MRC2: variants seen among roughly 807,000 people sequenced by gnomAD.
MRC2 encodes the protein mannose receptor C-type 2.
In MRC2, 84 loss-of-function variants were observed where a neutral mutation model predicts 206.2. The observed-to-expected ratio is 0.41, with a 90% CI of 0.34 to 0.49. MRC2 has a LOEUF of 0.49. Ranked by LOEUF, MRC2 falls within the 20% of genes least tolerant of loss-of-function variation. MRC2 has a pLI of 0.31. For synonymous variants in MRC2, 798 were observed against 800.0 expected (o/e 1.00, Z 0.04); for missense variants, 1,676 against 2,001.5 (o/e 0.84, Z 3.10).
intron 1 of MRC2, among the ~76,000 whole-genome samples, chr17:62,637,433 G>A (rs2088337314): frequency 6.6e-6 from 1 of 152,058 alleles, no homozygotes; most frequent in Non-Finnish European, 1.5e-5. Context: ...CAGCTCGGGA[G>A]GCTGAGGCAG....
At chr17:62,641,801 G>GA (rs1424578539) in intron 1 of MRC2, among the ~76,000 whole-genome samples, 2 of 152,008 alleles carry the variant, frequency 1.3e-5, no homozygotes, top group Non-Finnish European at 2.9e-5. Flanking sequence ...CAAACCACTG[G>GA]AAAAACTGAA....
At chr17:62,682,834 G>A (rs1296583446) in intron 20 of MRC2, among the ~76,000 whole-genome samples, 2 of 151,930 alleles carry the variant, frequency 1.3e-5, no homozygotes, top group African/African-American at 4.8e-5. Flanking sequence ...TAGAGATGGG[G>A]TTTCACCATG....
chr17:62,655,745 GAAAAGAAA>G (rs2088612001), intron 1 of MRC2, among the ~76,000 whole-genome samples: 1 of 146,526 alleles, frequency 6.8e-6, no homozygotes, highest in Admixed American at 6.8e-5. Context: ...AAAAGAAAAA[GAAAAGAAA>G]AAAAGAAAGA....
intron 1 of MRC2, among the ~76,000 whole-genome samples, chr17:62,651,862 G>A (rs34546907): frequency 0.043 from 6,547 of 152,304 alleles, 128 homozygotes; most frequent in Middle Eastern, 0.11. Flanking sequence ...GTGAGCCACC[G>A]CGCCCTGCCT....
intron 1 of MRC2, among the ~76,000 whole-genome samples, chr17:62,663,294 A>C (rs2088703530): frequency 7.0e-6 from 1 of 143,858 alleles, no homozygotes. Flanking sequence ...CCTCCTTCCT[A>C]CCCTCCCTTG....
chr17:62,627,920 G>C lies in MRC2; in HGVS notation c.118G>C (p.Glu40Gln). The C allele has an allele frequency of 1.4e-6, 2 of 1,441,688 alleles. No homozygotes were observed. Among genetic ancestry groups the C allele is most frequent in the Non-Finnish European group, 9.0e-7 (1 of 1,106,076 alleles). 89.3% of individuals were successfully genotyped at this position (1,441,688 alleles called of 1,614,324 possible). Reference protein sequence around the residue: ...PGAPGDAALPEPNVFLIFSHG... With the variant: ...PGAPGDAALPQPNVFLIFSHG... ...CGCCCCTGGGGACGCCGCCCTCCCG[G>C]GTAAGGCGCTGCCAACTTGGCCAAC... The change falls in exon 1 of 30, where the codon GAA (glutamate) becomes CAA (glutamine). Residue 40 changes from glutamate to glutamine, a missense_variant and splice_region_variant. Transcript: ENST00000303375.
chr17:62,690,447 G>C (rs1599000010), intron 26 of MRC2, 142 bp downstream of exon 26: 1 of 1,351,918 alleles, frequency 7.4e-7, no homozygotes, highest in East Asian at 2.4e-5. Flanking sequence ...CTCACATGTG[G>C]AGACCATACA....
intron 20 of MRC2, among the ~76,000 whole-genome samples, chr17:62,687,669 A>G (rs529592483): frequency 3.5e-4 from 53 of 152,312 alleles, no homozygotes; most frequent in African/African-American, 1.2e-3. Context: ...TCATTCAACA[A>G]TAGAGATAAA....
At chr17:62,684,535 C>T (rs2089009384) in intron 20 of MRC2, among the ~76,000 whole-genome samples, 1 of 152,188 alleles carries the variant, frequency 6.6e-6, no homozygotes, top group South Asian at 2.1e-4. Context: ...AGTTTCTTCC[C>T]CACAGTCGTT....
Position 62,679,893 on chromosome 17 carries a change from C to T in MRC2, c.2289C>T (p.Asp763=), listed in dbSNP as rs1281693451. ...PRGGQSWRWS[D]GVGFSYHNFD... is the part of the protein sequence containing the mutation. Reference sequence around the variant, plus strand: ...GGGGTCAGAGTTGGCGCTGGAGCGACGGCGTAGGGGTGAGGGGGCCTGGGG... The same window carrying T: ...GGGGTCAGAGTTGGCGCTGGAGCGATGGCGTAGGGGTGAGGGGGCCTGGGG... Residue 763 remains aspartate (D), a synonymous_variant, in exon 14 of 30, where the codon GAC becomes GAT. Transcript: ENST00000303375. 4 of 1,583,068 alleles carry T rather than the reference C, an allele frequency of 2.5e-6. No homozygotes were observed. Among genetic ancestry groups the T allele is most frequent in the Admixed American group, 3.4e-5 (2 of 58,786 alleles).
Position 62,629,349 on chromosome 17 carries a change from G to A in MRC2, c.118+1429G>A, listed in dbSNP as rs1041861100. Among the ~76,000 whole-genome samples the A allele has an allele frequency of 2.6e-5, 4 of 152,198 alleles. No individual in the cohort carries two copies. In the South Asian group the frequency reaches 8.3e-4, roughly 31 times the overall value. On this transcript the variant is annotated intron_variant, in intron 1 of 29. Coordinates refer to ENST00000303375, the MANE Select transcript of MRC2 (RefSeq NM_006039.5). ...GAGTGCTGACTCGGCCTTTCCCCCT[G>A]GAGCTTTTCATAGAGGGGGCTGGAA...
chr17:62,640,017 C>CTTTTTTTTTTTTTTT (rs56703312), intron 1 of MRC2, among the ~76,000 whole-genome samples: 93 of 74,350 alleles, frequency 1.3e-3, no homozygotes, highest in Admixed American at 1.7e-3. Context: ...CCATGCCCAG[C>CTTTTTTTTTTTTTTT]TTTTTTTTTT....
intron 6 of MRC2, among the ~76,000 whole-genome samples, chr17:62,668,356 C>CA (rs10631546): frequency 6.5e-5 from 8 of 122,794 alleles, no homozygotes; most frequent in African/African-American, 2.6e-4. Context: ...GACCCTGCCT[C>CA]AAAAAATAAA....
In MRC2 at chr17:62,676,569, A is replaced by C. The variant is rs771315017; in HGVS notation, c.1834+38A>C. ...TTTGACTTGCCTTGGTGAAGCGAGG[A>C]GGGAGGCCAGGGTGGACTGGCCCTG... On this transcript the variant is annotated intron_variant, in intron 11 of 29. Coordinates refer to ENST00000303375, the MANE Select transcript of MRC2 (RefSeq NM_006039.5). The C allele has an allele frequency of 1.9e-6, 3 of 1,550,486 alleles. No individual in the cohort carries two copies. The East Asian group carries it at 6.8e-5, about 35-fold the overall frequency.
At chr17:62,635,586 C>T (rs575886552) in intron 1 of MRC2, among the ~76,000 whole-genome samples, 1 of 152,212 alleles carries the variant, frequency 6.6e-6, no homozygotes, top group South Asian at 2.1e-4. Context: ...GATGAGGCTC[C>T]CTAATTACTA....
chr17:62,659,452 A>C (rs1005584055), intron 1 of MRC2, among the ~76,000 whole-genome samples: 3 of 152,176 alleles, frequency 2.0e-5, no homozygotes, highest in African/African-American at 7.2e-5. Flanking sequence ...CTGAGGCAGA[A>C]GAATCGCTTG....
chr17:62,691,124 T>C lies in MRC2; in HGVS notation c.4188T>C (p.Pro1396=), dbSNP rs2089106194. ...NITMGVVCKL[P]RAEQSSFSPS... is the part of the protein sequence containing the mutation. ...CCATGGGTGTCGTCTGCAAGCTTCCTCGTGGTGAGCGCCGGGCAGGCCCAC... is the reference window on the plus strand; with the variant it reads ...CCATGGGTGTCGTCTGCAAGCTTCCCCGTGGTGAGCGCCGGGCAGGCCCAC... The change falls in exon 28 of 30, where the codon CCT becomes CCC. Residue 1396 remains proline, a synonymous_variant. Transcript: ENST00000303375. 1 of 1,602,970 alleles carries C rather than the reference T, an allele frequency of 6.2e-7. No homozygotes were observed. The highest frequency in any genetic ancestry group is 8.5e-7 in the Non-Finnish European group (1 of 1,176,012).
intron 1 of MRC2, among the ~76,000 whole-genome samples, chr17:62,643,325 G>A (rs1225747962): frequency 1.4e-4 from 10 of 70,672 alleles, no homozygotes; most frequent in Non-Finnish European, 1.9e-4. Flanking sequence ...GTGAAACTCC[G>A]TCAAAAAAAA....
intron 6 of MRC2, among the ~76,000 whole-genome samples, chr17:62,669,874 A>G (rs2088806297): frequency 6.6e-6 from 1 of 152,176 alleles, no homozygotes; most frequent in Non-Finnish European, 1.5e-5. Context: ...ACTGCTGACC[A>G]CTGCTTTATC....
Sources: gnomAD v4.1 joint callset for allele counts (sites outside exome capture counted in the v4.1 genomes callset) on GRCh38, gnomAD v4.1.1 for gene constraint, MANE v1.5 for transcripts, NCBI Gene and HGNC (gene_info 2026-07-23, HGNC 2026-07-21) for gene names.